NCR2: variants seen among roughly 807,000 people sequenced by gnomAD.
The protein encoded by NCR2 is natural cytotoxicity triggering receptor 2.
Under a neutral mutation model 30.7 loss-of-function variants are expected in NCR2, and 35 were observed. The ratio of observed to expected loss-of-function variants is 1.14; its 90% CI spans 0.87 to 1.51. NCR2 has a LOEUF of 1.51. NCR2 is among the 40% of genes most tolerant of loss of function. NCR2 has a pLI of 0.00. For missense variants in NCR2, 316 were observed against 328.9 expected (o/e 0.96, Z 0.30); for synonymous variants, 146 against 134.8 (o/e 1.08, Z -0.58).
Position 41,336,368 on chromosome 6 carries a change from T to C in NCR2, c.334T>C (p.Tyr112His). ...EDSGHYWCRIYRPSDNSVSKS... is the reference protein window; with the variant it reads ...EDSGHYWCRIHRPSDNSVSKS... Reference sequence around the variant, plus strand: ...CTCAGGACATTACTGGTGTAGAATCTACCGCCCTTCTGACAACTCTGTCTC... The same window carrying C: ...CTCAGGACATTACTGGTGTAGAATCCACCGCCCTTCTGACAACTCTGTCTC... Residue 112 changes from tyrosine (Y) to histidine (H), a missense_variant, in exon 2 of 5, where the codon TAC becomes CAC. Transcript: ENST00000373089. 1 of 1,614,028 alleles carries C rather than the reference T, an allele frequency of 6.2e-7. No individual in the cohort carries two copies.
chr6:41,350,795 G>A lies in NCR2; in HGVS notation c.762G>A (p.Glu254=), dbSNP rs201895157. 7.4e-7 allele frequency: 1 copy of A among 1,346,986 alleles called. No homozygotes were observed. The highest frequency in any genetic ancestry group is 1.1e-6 in the Non-Finnish European group (1 of 936,248). 83.4% of individuals were successfully genotyped at this position (1,346,986 alleles called of 1,614,324 possible). Reference sequence around the variant, plus strand: ...GGACCTCAGTTTCCTCACCTGTAGAGAGAGAAATATTATATCACACTGTTG... The same window carrying A: ...GGACCTCAGTTTCCTCACCTGTAGAAAGAGAAATATTATATCACACTGTTG... ...LPWTSVSSPV[E]REILYHTVAR... The change falls in exon 5 of 5, where the codon GAG becomes GAA. Residue 254 remains glutamate (E), a synonymous_variant. Transcript: ENST00000373089.
At position 41,337,669 on chromosome 6, in the gene NCR2, T is replaced by G. The variant is rs182684399; in HGVS notation, c.394+1241T>G. Among the ~76,000 whole-genome samples the G allele has an allele frequency of 2.7e-3, 418 of 152,338 alleles. 4 individuals are homozygous for G. The highest frequency in any genetic ancestry group is 0.014 in the South Asian group (69 of 4,828). On this transcript the variant is annotated intron_variant, in intron 2 of 4. Coordinates refer to ENST00000373089, the MANE Select transcript of NCR2 (RefSeq NM_004828.4). The stretch of plus-strand genomic sequence containing the variant: ...ACAGTAGAAGCCCAGAAAACTGGTC[T>G]CACGGAGGTATAATGTCAGAAATAG...
intron 2 of NCR2, among the ~76,000 whole-genome samples, chr6:41,339,853 A>G (rs529480849): frequency 6.6e-6 from 1 of 152,354 alleles, no homozygotes; most frequent in African/African-American, 2.4e-5. Flanking sequence ...AACTCTTTGG[A>G]ATAACTGCAG....
At chr6:41,348,095 G>A (rs767572063) in intron 4 of NCR2, among the ~76,000 whole-genome samples, 13 of 152,212 alleles carry the variant, frequency 8.5e-5, no homozygotes, top group South Asian at 4.2e-4. Flanking sequence ...AATGGGATTC[G>A]CCTCCAACCC....
intron 4 of NCR2, among the ~76,000 whole-genome samples, chr6:41,349,496 C>T (rs963593005): frequency 5.3e-5 from 8 of 152,156 alleles, no homozygotes; most frequent in African/African-American, 1.7e-4. Flanking sequence ...TGATTGAAAG[C>T]TTGGAACTTT....
chr6:41,335,994 G>C (rs554280921), intron 1 of NCR2, 66 bp downstream of exon 1: 15 of 1,583,976 alleles, frequency 9.5e-6, no homozygotes, highest in Non-Finnish European at 1.2e-5. Flanking sequence ...AGGACAGCAG[G>C]GTCAGGGAGC....
chr6:41,340,225 G>C (rs9471584), intron 2 of NCR2, among the ~76,000 whole-genome samples: 3 of 151,122 alleles, frequency 2.0e-5, no homozygotes, highest in Admixed American at 2.0e-4. Flanking sequence ...GCGGTGGCGC[G>C]ATCTCGGCTC....
intron 4 of NCR2, chr6:41,343,138 G>C: frequency 1.2e-6 from 1 of 859,922 alleles, no homozygotes; most frequent in Non-Finnish European, 1.8e-6. Context: ...CTTTAGCCAC[G>C]CTCTCCCTGC....
At chr6:41,341,470 C>T (rs1042259413) in intron 2 of NCR2, among the ~76,000 whole-genome samples, 16 of 152,070 alleles carry the variant, frequency 1.1e-4, no homozygotes, top group Admixed American at 1.3e-4. Flanking sequence ...CCGAAGGGGC[C>T]CGAAGCATCA....
At chr6:41,338,226 T>C (rs897992877) in intron 2 of NCR2, among the ~76,000 whole-genome samples, 18 of 152,240 alleles carry the variant, frequency 1.2e-4, no homozygotes, top group African/African-American at 4.3e-4. Context: ...ATTCTTCCTA[T>C]AGATGAAACA....
chr6:41,339,527 G>A (rs547484459), intron 2 of NCR2, among the ~76,000 whole-genome samples: 6 of 152,034 alleles, frequency 3.9e-5, no homozygotes, highest in African/African-American at 1.5e-4. Flanking sequence ...TGGGACTACA[G>A]GTGCCCGCCA....
intron 2 of NCR2, among the ~76,000 whole-genome samples, chr6:41,340,541 C>T (rs1468954187): frequency 6.6e-6 from 1 of 152,166 alleles, no homozygotes; most frequent in African/African-American, 2.4e-5. Flanking sequence ...ACTCCATATT[C>T]GACCCTCCAT....
Position 41,336,157 on chromosome 6 carries a change from G to A in NCR2, c.123G>A (p.Gln41=), listed in dbSNP as rs373626371. 6.8e-6 allele frequency: 11 copies of A among 1,614,066 alleles called. No homozygotes were observed. Among genetic ancestry groups the A allele is most frequent in the African/African-American group, 1.3e-5 (1 of 74,938 alleles). ...VAGQTLTVRC[Q]YPPTGSLYEK... ...GGCAGACGCTAACCGTGAGATGCCAGTACCCGCCCACGGGCAGTCTCTACG... is the reference window on the plus strand; with the variant it reads ...GGCAGACGCTAACCGTGAGATGCCAATACCCGCCCACGGGCAGTCTCTACG... Residue 41 remains glutamine, a synonymous_variant, in exon 2 of 5, where the codon CAG becomes CAA. Coordinates refer to ENST00000373089, the MANE Select transcript of NCR2 (RefSeq NM_004828.4).
Position 41,350,793 on chromosome 6 carries a change from G to C in NCR2, c.760G>C (p.Glu254Gln). The C allele has an allele frequency of 3.6e-6, 5 of 1,372,270 alleles. No homozygotes were observed. The highest frequency in any genetic ancestry group is 5.2e-6 in the Non-Finnish European group (5 of 959,440). 85.0% of individuals were successfully genotyped at this position (1,372,270 alleles called of 1,614,324 possible). A position where few individuals can be genotyped will look rare whatever the true frequency, so the allele number is the denominator to read the frequency against. Reference protein sequence around the residue: ...LPWTSVSSPVEREILYHTVAR... With the variant: ...LPWTSVSSPVQREILYHTVAR... ...CTGGACCTCAGTTTCCTCACCTGTA[G>C]AGAGAGAAATATTATATCACACTGT... Residue 254 changes from glutamate to glutamine, a missense_variant, in exon 5 of 5, where the codon GAG (glutamate) becomes CAG (glutamine). Transcript: ENST00000373089.
intron 4 of NCR2, among the ~76,000 whole-genome samples, chr6:41,349,062 A>T (rs1228437398): frequency 6.8e-6 from 1 of 146,914 alleles, no homozygotes; most frequent in Non-Finnish European, 1.5e-5. Context: ...ATAAATTATT[A>T]TAGTTTATTA....
In NCR2 at chr6:41,347,288, C is replaced by T. The variant is rs1469344139; in HGVS notation, c.645-3390C>T. On this transcript the variant is annotated intron_variant, in intron 4 of 4. Transcript: ENST00000373089. The stretch of plus-strand genomic sequence containing the variant: ...CATCTTCCCGGGTTGTATGTCATGA[C>T]CATCAGAATCTAAATGGGCTCTAAT... 2.0e-5 allele frequency among the ~76,000 whole-genome samples: 3 copies of T among 152,206 alleles called. No individual in the cohort carries two copies. The South Asian group carries it at 6.2e-4, about 32-fold the overall frequency.
intron 2 of NCR2, among the ~76,000 whole-genome samples, chr6:41,338,751 T>A (rs748856100): frequency 1.1e-4 from 16 of 152,274 alleles, no homozygotes; most frequent in Non-Finnish European, 1.6e-4. Flanking sequence ...GAGATGGTCA[T>A]CCATCTTGTT....
chr6:41,336,754 G>C (rs930172036), intron 2 of NCR2, among the ~76,000 whole-genome samples: 2 of 152,166 alleles, frequency 1.3e-5, no homozygotes, highest in African/African-American at 4.8e-5. Flanking sequence ...GCCCAGGAAA[G>C]GTGCATCCAC....
intron 2 of NCR2, among the ~76,000 whole-genome samples, chr6:41,336,820 A>G (rs538619383): frequency 1.9e-4 from 29 of 152,346 alleles, no homozygotes; most frequent in African/African-American, 7.0e-4. Context: ...ATACCAAGAT[A>G]CTATGGGTAT....
Sources: gnomAD v4.1 joint callset for allele counts (sites outside exome capture counted in the v4.1 genomes callset) on GRCh38, gnomAD v4.1.1 for gene constraint, MANE v1.5 for transcripts, NCBI Gene and HGNC (gene_info 2026-07-23, HGNC 2026-07-21) for gene names.